Variants in MACROD2 observed in about 807,000 individuals in gnomAD.
MACROD2 encodes the protein ADP-ribose glycohydrolase MACROD2.
In MACROD2, 36 loss-of-function variants were observed where a neutral mutation model predicts 70.4. The ratio of observed to expected loss-of-function variants is 0.51; its 90% CI spans 0.39 to 0.68. The LOEUF (loss-of-function observed/expected upper bound fraction) is 0.68, where lower values mean the gene tolerates loss of function less well. MACROD2 is among the 30% of genes least tolerant of loss of function. The pLI is 0.00. For synonymous variants in MACROD2, 172 were observed against 178.8 expected, an observed-to-expected ratio of 0.96 and a Z score of 0.30; for missense variants, 496 against 538.4, an observed-to-expected ratio of 0.92 and a Z score of 0.78.
At chr20:14,085,362 A>C (rs1313364276) in intron 2 of MACROD2, among the ~76,000 whole-genome samples, 1 of 152,110 alleles carries the variant, frequency 6.6e-6, no homozygotes, top group Non-Finnish European at 1.5e-5. Flanking sequence ...AATTACCCAT[A>C]AGTATTGAAT....
intron 5 of MACROD2, among the ~76,000 whole-genome samples, chr20:15,075,801 G>A (rs547303138): frequency 1.5e-4 from 23 of 152,264 alleles, no homozygotes; most frequent in Middle Eastern, 6.8e-3. Context: ...GCAGGGGGCA[G>A]CAACACAGTG....
At chr20:14,085,032 G>T (rs1160420969) in intron 2 of MACROD2, among the ~76,000 whole-genome samples, 6 of 144,226 alleles carry the variant, frequency 4.2e-5, no homozygotes, top group Non-Finnish European at 6.1e-5. Flanking sequence ...GTTGGGGGGT[G>T]GGGGGGTGGT....
intron 5 of MACROD2, among the ~76,000 whole-genome samples, chr20:15,225,458 T>C (rs1437420730): frequency 1.3e-5 from 2 of 152,184 alleles, no homozygotes; most frequent in Non-Finnish European, 2.9e-5. Flanking sequence ...TTCCTCCCCA[T>C]ATTCCCTCCC....
chr20:14,930,232 T>C (rs2074281837), intron 5 of MACROD2, among the ~76,000 whole-genome samples: 1 of 151,850 alleles, frequency 6.6e-6, no homozygotes, highest in African/African-American at 2.4e-5. Flanking sequence ...TATATTGGTA[T>C]TAAGTCACAA....
At chr20:15,896,698 C>G (rs570441520) in intron 10 of MACROD2, among the ~76,000 whole-genome samples, 1 of 152,172 alleles carries the variant, frequency 6.6e-6, no homozygotes, top group African/African-American at 2.4e-5. Context: ...TACTGAACAT[C>G]AAAATTAAAA....
intron 10 of MACROD2, among the ~76,000 whole-genome samples, chr20:15,886,048 G>A (rs148550004): frequency 3.3e-5 from 5 of 152,274 alleles, no homozygotes; most frequent in Admixed American, 6.5e-5. Flanking sequence ...GGAACATGAT[G>A]TTGTGGTTAA....
chr20:14,791,894 AT>A (rs1341381071), intron 5 of MACROD2, among the ~76,000 whole-genome samples: 2 of 151,812 alleles, frequency 1.3e-5, no homozygotes, highest in Non-Finnish European at 2.9e-5. Context: ...ATATTCTCTA[AT>A]TTTGAAATGT....
At chr20:15,118,677 C>G (rs1308022650) in intron 5 of MACROD2, among the ~76,000 whole-genome samples, 1 of 152,174 alleles carries the variant, frequency 6.6e-6, no homozygotes, top group East Asian at 1.9e-4. Flanking sequence ...TTCAGACATT[C>G]ACTGTATGAA....
At chr20:14,691,308 G>C (rs1295996016) in intron 5 of MACROD2, among the ~76,000 whole-genome samples, 1 of 152,226 alleles carries the variant, frequency 6.6e-6, no homozygotes, top group East Asian at 1.9e-4. Context: ...TCAGATCAAA[G>C]TTGATAAAGT....
intron 3 of MACROD2, among the ~76,000 whole-genome samples, chr20:14,315,124 C>G (rs1409218934): frequency 1.3e-5 from 2 of 152,142 alleles, no homozygotes; most frequent in East Asian, 3.9e-4. Flanking sequence ...ATAGAAAAGG[C>G]AGGAGATCTG....
chr20:14,104,666 T>G (rs2054345099), intron 3 of MACROD2, among the ~76,000 whole-genome samples: 1 of 152,060 alleles, frequency 6.6e-6, no homozygotes, highest in South Asian at 2.1e-4. Flanking sequence ...AAGATGAGAG[T>G]GGGGATCCAT....
intron 3 of MACROD2, among the ~76,000 whole-genome samples, chr20:14,173,726 T>A (rs980919742): frequency 6.6e-6 from 1 of 152,148 alleles, no homozygotes; most frequent in African/African-American, 2.4e-5. Flanking sequence ...GTTTTTCTAG[T>A]TCCTTCTCAT....
chr20:15,539,709 C>T (rs772339343), intron 8 of MACROD2, among the ~76,000 whole-genome samples: 17 of 152,184 alleles, frequency 1.1e-4, no homozygotes, highest in South Asian at 2.1e-4. Context: ...GTTCTTGAGC[C>T]GGGCACGGTG....
At chr20:15,660,451 T>A (rs465981) in intron 8 of MACROD2, among the ~76,000 whole-genome samples, 83,313 of 151,974 alleles carry the variant, frequency 0.55, 23,198 homozygotes, top group East Asian at 0.83. Flanking sequence ...ACGTAGTTTT[T>A]CAGATTTATT....
chr20:14,722,982 T>C (rs2071487979), intron 5 of MACROD2, among the ~76,000 whole-genome samples: 1 of 152,186 alleles, frequency 6.6e-6, no homozygotes, highest in African/African-American at 2.4e-5. Context: ...CCACCAGATA[T>C]ATTTGGTGGA....
At position 15,350,895 on chromosome 20, in the gene MACROD2, C is replaced by T. The variant is rs192029598; in HGVS notation, c.541-80510C>T. On this transcript the variant is annotated intron_variant, in intron 6 of 17. Coordinates refer to ENST00000684519, the MANE Select transcript of MACROD2 (RefSeq NM_001351661.2). ...GTAACTTAATTTTTCTTCTCCTATC[C>T]TCTCCATACATTGAATTCCAGAAAT... 1.5e-3 allele frequency among the ~76,000 whole-genome samples: 228 copies of T among 152,160 alleles called. 1 individual carries two copies. The highest frequency in any genetic ancestry group is 1.0e-3 in the Non-Finnish European group (70 of 68,012).
intron 8 of MACROD2, among the ~76,000 whole-genome samples, chr20:15,539,526 T>C (rs1364668332): frequency 6.6e-6 from 1 of 152,252 alleles, no homozygotes; most frequent in East Asian, 1.9e-4. Flanking sequence ...GTTATTTCAA[T>C]ACTGAAGTAG....
intron 15 of MACROD2, among the ~76,000 whole-genome samples, chr20:16,019,716 A>G (rs150218357): frequency 4.7e-4 from 71 of 152,318 alleles, no homozygotes; most frequent in Non-Finnish European, 8.4e-4. Flanking sequence ...TCTTAGGCCC[A>G]CCACAAACTG....
intron 3 of MACROD2, among the ~76,000 whole-genome samples, chr20:14,222,270 GGTA>G (rs2081682381): frequency 6.6e-6 from 1 of 151,948 alleles, no homozygotes; most frequent in East Asian, 1.9e-4. Flanking sequence ...ATAAAGAAAA[GGTA>G]GTATCTATAC....
Sources: allele counts gnomAD v4.1 joint callset (sites outside exome capture counted in the v4.1 genomes callset), GRCh38; gene constraint gnomAD v4.1.1; transcripts MANE v1.5; gene names NCBI Gene and HGNC (gene_info 2026-07-23, HGNC 2026-07-21).